Variants in ATE1 observed in about 807,000 individuals in gnomAD.
ATE1 encodes the protein arginyltransferase 1, also known as arginyl-tRNA--protein transferase 1.
A neutral mutation model predicts 70.5 loss-of-function variants in ATE1; 36 were observed. The ratio of observed to expected loss-of-function variants is 0.51; its 90% CI spans 0.39 to 0.67. The LOEUF is 0.67. Ranked by LOEUF, ATE1 falls within the 30% of genes least tolerant of loss-of-function variation. The pLI, the probability that ATE1 is intolerant of heterozygous loss-of-function variation, is 0.00. For missense variants in ATE1, 593 were observed against 629.5 expected (o/e 0.94, Z 0.62); for synonymous variants, 232 against 219.3 (o/e 1.06, Z -0.51).
intron 2 of ATE1, among the ~76,000 whole-genome samples, chr10:121,922,660 A>T (rs1250742941): frequency 1.3e-5 from 2 of 152,086 alleles, no homozygotes; most frequent in African/African-American, 4.8e-5. Flanking sequence ...CCCTCTCACC[A>T]GCATCTGCCA....
intron 10 of ATE1, among the ~76,000 whole-genome samples, chr10:121,790,710 C>T (rs898732414): frequency 1.3e-5 from 2 of 152,082 alleles, no homozygotes; most frequent in Non-Finnish European, 2.9e-5. Flanking sequence ...ATTTCACTAT[C>T]CTTAATGACA....
intron 11 of ATE1, among the ~76,000 whole-genome samples, chr10:121,761,676 C>T (rs1945044488): frequency 6.6e-6 from 1 of 152,088 alleles, no homozygotes; most frequent in African/African-American, 2.4e-5. Context: ...TGAAGAGGAT[C>T]CCCTTTCCGA....
chr10:121,916,071 C>CA (rs1461741919), intron 3 of ATE1, among the ~76,000 whole-genome samples: 2 of 141,046 alleles, frequency 1.4e-5, no homozygotes, highest in African/African-American at 5.3e-5. Context: ...CCCGTCTCTA[C>CA]AAAAAATTAG....
chr10:121,788,103 A>C (rs559591265), intron 11 of ATE1, among the ~76,000 whole-genome samples: 146 of 152,342 alleles, frequency 9.6e-4, no homozygotes, highest in Middle Eastern at 6.8e-3. Context: ...GACTAGACTG[A>C]CTGACCCTAA....
intron 7 of ATE1, among the ~76,000 whole-genome samples, chr10:121,876,292 G>A (rs1303187320): frequency 2.6e-5 from 4 of 152,140 alleles, no homozygotes; most frequent in Non-Finnish European, 4.4e-5. Flanking sequence ...TGCTCTAAAT[G>A]TTGATTTCAA....
At chr10:121,744,261 A>G (rs1196746028) in intron 11 of ATE1, among the ~76,000 whole-genome samples, 1 of 152,042 alleles carries the variant, frequency 6.6e-6, no homozygotes, top group Non-Finnish European at 1.5e-5. Context: ...TTAAAATATA[A>G]AAATTATGTA....
intron 10 of ATE1, among the ~76,000 whole-genome samples, chr10:121,810,705 T>A (rs1313499357): frequency 2.6e-5 from 4 of 151,220 alleles, no homozygotes; most frequent in Non-Finnish European, 4.4e-5. Flanking sequence ...AAAACAAATT[T>A]TTTTTTGTTT....
At chr10:121,833,957 C>T (rs1373811920) in intron 10 of ATE1, among the ~76,000 whole-genome samples, 1 of 152,092 alleles carries the variant, frequency 6.6e-6, no homozygotes, top group Non-Finnish European at 1.5e-5. Context: ...TCCCAGAGTT[C>T]AATTACTTAA....
intron 5 of ATE1, 110 bp downstream of exon 5, chr10:121,910,796 A>G (rs1190640733): frequency 7.0e-7 from 1 of 1,427,392 alleles, no homozygotes; most frequent in Non-Finnish European, 9.7e-7. Flanking sequence ...TCTGTTTTAC[A>G]GACTGCACGA....
chr10:121,905,763 C>G (rs1951164725), intron 5 of ATE1, among the ~76,000 whole-genome samples: 1 of 151,932 alleles, frequency 6.6e-6, no homozygotes, highest in Non-Finnish European at 1.5e-5. Flanking sequence ...GAGAATCGCT[C>G]AAACCCAGGA....
intron 9 of ATE1, among the ~76,000 whole-genome samples, chr10:121,838,652 G>A (rs1304321610): frequency 6.6e-6 from 1 of 152,176 alleles, no homozygotes. Context: ...GGGAGTATCT[G>A]AAATTAAGTT....
chr10:121,854,923 G>C (rs1949190864), intron 8 of ATE1, among the ~76,000 whole-genome samples: 1 of 152,120 alleles, frequency 6.6e-6, no homozygotes, highest in African/African-American at 2.4e-5. Flanking sequence ...GGTTCCACGG[G>C]AACTTGCACA....
chr10:121,796,841 T>C (rs1021357596), intron 10 of ATE1, among the ~76,000 whole-genome samples: 4 of 152,186 alleles, frequency 2.6e-5, no homozygotes, highest in Admixed American at 2.0e-4. Context: ...TGGTTTTTGG[T>C]TAATGGAATG....
intron 10 of ATE1, among the ~76,000 whole-genome samples, chr10:121,821,341 T>G (rs1564867582): frequency 6.6e-6 from 1 of 152,182 alleles, no homozygotes; most frequent in East Asian, 1.9e-4. Flanking sequence ...GTGGACACAT[T>G]AAAATTAGAA....
rs186180965 is a variant in ATE1, at chr10:121,808,697, A to C, written c.1258-18408T>G. 5.3e-5 allele frequency among the ~76,000 whole-genome samples: 8 copies of C among 152,364 alleles called. No individual in the cohort carries two copies. The East Asian group carries it at 1.5e-3, about 29-fold the overall frequency. ...TGAACAGGGCTAACAGTGGTGAATT[A>C]ATAAAAAATGCCCATTACACTATGT... On this transcript the variant is annotated intron_variant, in intron 10 of 11. Transcript: ENST00000224652.
chr10:121,798,365 G>A (rs1023196051), intron 10 of ATE1, among the ~76,000 whole-genome samples: 5 of 152,144 alleles, frequency 3.3e-5, no homozygotes, highest in Non-Finnish European at 5.9e-5. Context: ...GAAAGTATAT[G>A]CCAATGAAAT....
At chr10:121,848,142 T>C (rs1948908584) in intron 8 of ATE1, among the ~76,000 whole-genome samples, 1 of 152,206 alleles carries the variant, frequency 6.6e-6, no homozygotes, top group East Asian at 1.9e-4. Flanking sequence ...AGCTGTCAGT[T>C]TGTGATATTT....
chr10:121,882,390 A>G (rs1424386792), intron 7 of ATE1, among the ~76,000 whole-genome samples: 1 of 152,228 alleles, frequency 6.6e-6, no homozygotes, highest in East Asian at 1.9e-4. Context: ...GACAGTTCCT[A>G]ATAACATCAT....
chr10:121,798,571 A>C (rs1054084276), intron 10 of ATE1, among the ~76,000 whole-genome samples: 1 of 152,220 alleles, frequency 6.6e-6, no homozygotes, highest in Non-Finnish European at 1.5e-5. Flanking sequence ...AATTCTGCAC[A>C]TTGTCTGAGT....
Sources: gnomAD v4.1 joint callset for allele counts (sites outside exome capture counted in the v4.1 genomes callset) on GRCh38, gnomAD v4.1.1 for gene constraint, MANE v1.5 for transcripts, NCBI Gene and HGNC (gene_info 2026-07-23, HGNC 2026-07-21) for gene names.